SOX5: variants seen among roughly 807,000 people sequenced by gnomAD.
The protein encoded by SOX5 is transcription factor SOX-5.
Under a neutral mutation model 92.0 loss-of-function variants are expected in SOX5, and 9 were observed. That is an observed-to-expected ratio of 0.10 (90% CI 0.06 to 0.17). The LOEUF (loss-of-function observed/expected upper bound fraction) is 0.17. Among genes scored for constraint, SOX5 ranks in the 10% least tolerant of loss-of-function variants. The pLI, the probability that SOX5 is intolerant of heterozygous loss-of-function variation, is 1.00. For synonymous variants in SOX5, 344 were observed against 336.3 expected, an observed-to-expected ratio of 1.02 and a Z score of -0.25; for missense variants, 642 against 944.5, an observed-to-expected ratio of 0.68 and a Z score of 4.20.
At chr12:23,670,422 T>C (rs2084578114) in intron 6 of SOX5, among the ~76,000 whole-genome samples, 2 of 152,100 alleles carry the variant, frequency 1.3e-5, no homozygotes, top group African/African-American at 4.8e-5. Context: ...AGGCTTTTTT[T>C]CAGGTAGCAG....
At chr12:24,544,217 ACT>A (rs1165555737) in intron 1 of SOX5, among the ~76,000 whole-genome samples, 46 of 152,302 alleles carry the variant, frequency 3.0e-4, no homozygotes, top group Admixed American at 2.9e-3. Flanking sequence ...GCACAAGATG[ACT>A]CTAGGATAAT....
intron 1 of SOX5, among the ~76,000 whole-genome samples, chr12:24,500,098 G>A (rs895439222): frequency 3.3e-5 from 5 of 152,126 alleles, no homozygotes; most frequent in Non-Finnish European, 7.4e-5. Context: ...TTCTGCCACC[G>A]ACTTGCTGCC....
intron 1 of SOX5, among the ~76,000 whole-genome samples, chr12:24,428,761 C>CAAAAAAAAAAAAAAAA (rs1967056422): frequency 3.8e-5 from 2 of 52,560 alleles, no homozygotes; most frequent in Non-Finnish European, 4.1e-5. Flanking sequence ...AAAAAAAAAG[C>CAAAAAAAAAAAAAAAA]TAATTTCCTC....
chr12:23,630,642 A>C (rs1024221617), intron 8 of SOX5, among the ~76,000 whole-genome samples: 5 of 152,022 alleles, frequency 3.3e-5, no homozygotes, highest in African/African-American at 4.8e-5. Context: ...TAATACATTT[A>C]TTGTTCCAAG....
chr12:24,338,147 A>G (rs1481967178), intron 2 of SOX5, among the ~76,000 whole-genome samples: 1 of 152,182 alleles, frequency 6.6e-6, no homozygotes, highest in Admixed American at 6.5e-5. Flanking sequence ...AGTATCATTG[A>G]CTAATTTCCA....
intron 4 of SOX5, 128 bp from the exon 5 acceptor site, chr12:23,741,167 C>T: frequency 3.5e-6 from 2 of 563,962 alleles, no homozygotes; most frequent in Non-Finnish European, 5.5e-6. Flanking sequence ...GCATTACCTA[C>T]CTTCTTTTAC....
chr12:24,002,916 A>G (rs2136394526), intron 4 of SOX5, among the ~76,000 whole-genome samples: 1 of 127,324 alleles, frequency 7.9e-6, no homozygotes, highest in African/African-American at 2.7e-5. Context: ...ATATAGACAC[A>G]AAAATTTGAG....
chr12:24,066,758 G>A (rs1940819533), intron 4 of SOX5, among the ~76,000 whole-genome samples: 1 of 152,158 alleles, frequency 6.6e-6, no homozygotes, highest in Non-Finnish European at 1.5e-5. Context: ...ACATAAGCAG[G>A]AAAATATTAC....
intron 8 of SOX5, among the ~76,000 whole-genome samples, chr12:23,620,692 T>C (rs996108004): frequency 5.3e-5 from 8 of 152,120 alleles, no homozygotes; most frequent in African/African-American, 1.9e-4. Flanking sequence ...AATAACACAC[T>C]CCAATAGCAC....
chr12:23,979,723 T>TTTTTTTTTTTTTTTG (rs1949345892), intron 4 of SOX5, among the ~76,000 whole-genome samples: 1 of 119,102 alleles, frequency 8.4e-6, no homozygotes, highest in Non-Finnish European at 1.7e-5. Context: ...TTTTTTTTTT[T>TTTTTTTTTTTTTTTG]TTTTTTTTTT....
chr12:23,703,731 C>CACAG (rs2090993288), intron 6 of SOX5, among the ~76,000 whole-genome samples: 1 of 148,294 alleles, frequency 6.7e-6, no homozygotes, highest in African/African-American at 2.5e-5. Context: ...TCAGGGGACA[C>CACAG]ACACACACAC....
chr12:23,893,140 T>C (rs975797142), intron 2 of SOX5, among the ~76,000 whole-genome samples: 7 of 152,176 alleles, frequency 4.6e-5, no homozygotes, highest in African/African-American at 7.2e-5. Flanking sequence ...TTAGACTGAA[T>C]TCACCATTAA....
intron 3 of SOX5, among the ~76,000 whole-genome samples, chr12:23,771,817 G>T (rs971927034): frequency 2.0e-5 from 3 of 152,112 alleles, no homozygotes; most frequent in African/African-American, 7.2e-5. Context: ...ACAAAACAGT[G>T]CCTGAAAGAC....
intron 1 of SOX5, among the ~76,000 whole-genome samples, chr12:23,927,186 T>C (rs1173555094): frequency 3.3e-5 from 5 of 152,264 alleles, no homozygotes; most frequent in African/African-American, 9.6e-5. Flanking sequence ...TTAACCATTA[T>C]AGCAGTTATT....
At chr12:23,703,185 A>G (rs1226695679) in intron 6 of SOX5, among the ~76,000 whole-genome samples, 2 of 152,076 alleles carry the variant, frequency 1.3e-5, no homozygotes, top group Admixed American at 6.6e-5. Flanking sequence ...TGGCACAAGC[A>G]AGTGAAAAAC....
intron 4 of SOX5, among the ~76,000 whole-genome samples, chr12:24,074,068 C>T (rs1257790152): frequency 1.3e-5 from 2 of 151,934 alleles, no homozygotes; most frequent in East Asian, 1.9e-4. Flanking sequence ...GCTCAGTGTA[C>T]ACAAGATGTA....
chr12:23,875,669 T>G (rs1270959057), intron 2 of SOX5, among the ~76,000 whole-genome samples: 2 of 152,156 alleles, frequency 1.3e-5, no homozygotes, highest in African/African-American at 4.8e-5. Context: ...CCACTGACTT[T>G]AAAGAGAACC....
At chr12:23,850,368 G>A (rs1011506464) in intron 2 of SOX5, among the ~76,000 whole-genome samples, 1 of 150,946 alleles carries the variant, frequency 6.6e-6, no homozygotes, top group Non-Finnish European at 1.5e-5. Context: ...GGTGGAGATT[G>A]CAGAGAGCCA....
chr12:23,905,675 C>G (rs1054160737), intron 1 of SOX5, among the ~76,000 whole-genome samples: 2 of 152,032 alleles, frequency 1.3e-5, no homozygotes, highest in South Asian at 4.1e-4. Flanking sequence ...GTGATAAATA[C>G]AGCAAAACTG....
Sources: allele counts gnomAD v4.1 joint callset (sites outside exome capture counted in the v4.1 genomes callset), GRCh38; gene constraint gnomAD v4.1.1; transcripts MANE v1.5; gene names NCBI Gene and HGNC (gene_info 2026-07-23, HGNC 2026-07-21).